TCF7L2: variants seen among roughly 807,000 people sequenced by gnomAD.
TCF7L2 encodes transcription factor 7-like 2.
A neutral mutation model predicts 77.9 loss-of-function variants in TCF7L2; 23 were observed. The observed-to-expected ratio is 0.30, with a 90% CI of 0.21 to 0.42. The LOEUF (loss-of-function observed/expected upper bound fraction) is 0.42. TCF7L2 is among the 10% of genes least tolerant of loss of function. The pLI is 1.00. For missense variants in TCF7L2, 654 were observed against 793.1 expected (o/e 0.82, Z 2.11); for synonymous variants, 413 against 340.2 (o/e 1.21, Z -2.36).
At chr10:113,036,917 T>C (rs981474775) in intron 4 of TCF7L2, among the ~76,000 whole-genome samples, 1 of 151,886 alleles carries the variant, frequency 6.6e-6, no homozygotes, top group Admixed American at 6.6e-5. Context: ...TAAAACTAAG[T>C]CAGATGGTTG....
At chr10:112,987,041 G>A (rs1345675243) in intron 4 of TCF7L2, among the ~76,000 whole-genome samples, 1 of 152,152 alleles carries the variant, frequency 6.6e-6, no homozygotes, top group Non-Finnish European at 1.5e-5. Flanking sequence ...TGCTATGGTC[G>A]ATCTAGGCTT....
chr10:113,024,033 C>T (rs932621047), intron 4 of TCF7L2, among the ~76,000 whole-genome samples: 15 of 151,904 alleles, frequency 9.9e-5, no homozygotes, highest in East Asian at 4.0e-4. Context: ...CTTGGTGGCT[C>T]ATGCCTGTAA....
intron 4 of TCF7L2, among the ~76,000 whole-genome samples, chr10:112,980,337 G>A (rs1298151142): frequency 6.6e-6 from 1 of 152,180 alleles, no homozygotes; most frequent in Non-Finnish European, 1.5e-5. Flanking sequence ...CTGAAATCTT[G>A]CAGTAATGTG....
intron 5 of TCF7L2, chr10:113,129,339 A>G: frequency 1.0e-6 from 1 of 986,998 alleles, no homozygotes; most frequent in Non-Finnish European, 1.2e-6. Flanking sequence ...TTTCTTTGCT[A>G]CTCTTAGCGG....
chr10:113,139,602 A>C (rs2067977498), intron 5 of TCF7L2, among the ~76,000 whole-genome samples: 1 of 151,930 alleles, frequency 6.6e-6, no homozygotes, highest in African/African-American at 2.4e-5. Flanking sequence ...CCAAGAGTCC[A>C]GTTATACATA....
chr10:113,052,967 C>T (rs534964580), intron 5 of TCF7L2, among the ~76,000 whole-genome samples: 3 of 152,110 alleles, frequency 2.0e-5, no homozygotes, highest in East Asian at 1.9e-4. Flanking sequence ...AAGATACAAA[C>T]GAACTTCTTT....
chr10:113,057,537 G>C (rs2055613607), intron 5 of TCF7L2, among the ~76,000 whole-genome samples: 1 of 152,194 alleles, frequency 6.6e-6, no homozygotes, highest in Non-Finnish European at 1.5e-5. Context: ...TTGGGGGTCA[G>C]GGTATAGGGA....
chr10:113,107,600 G>A (rs1018727896), intron 5 of TCF7L2, among the ~76,000 whole-genome samples: 1 of 151,490 alleles, frequency 6.6e-6, no homozygotes, highest in African/African-American at 2.4e-5. Flanking sequence ...AAAATTAGCC[G>A]GGCGTGGTGG....
At chr10:113,052,564 A>C (rs528666809) in intron 5 of TCF7L2, among the ~76,000 whole-genome samples, 1 of 152,374 alleles carries the variant, frequency 6.6e-6, no homozygotes, top group East Asian at 1.9e-4. Flanking sequence ...ATCCGAACCC[A>C]GAATGAGGAT....
intron 8 of TCF7L2, among the ~76,000 whole-genome samples, chr10:113,147,855 G>A (rs1029296134): frequency 6.6e-6 from 1 of 152,136 alleles, no homozygotes; most frequent in African/African-American, 2.4e-5. Flanking sequence ...ATTATAGGTG[G>A]GCATGGGGGT....
intron 4 of TCF7L2, among the ~76,000 whole-genome samples, chr10:113,038,081 T>TAC (rs898991928): frequency 1.3e-5 from 2 of 152,176 alleles, no homozygotes; most frequent in African/African-American, 4.8e-5. Context: ...CTTGAGATGA[T>TAC]ACTGCTCCCA....
chr10:113,066,574 T>G (rs2057294972), intron 5 of TCF7L2, among the ~76,000 whole-genome samples: 1 of 152,198 alleles, frequency 6.6e-6, no homozygotes, highest in Non-Finnish European at 1.5e-5. Context: ...AGCCCTAAAC[T>G]TCAAATGGAT....
chr10:113,160,010 G>C lies in TCF7L2; in HGVS notation c.1319-609G>C, dbSNP rs1004442358. ...CCTTGCAGGTGTGTATAGTTTTCCA[G>C]ATTCGCTGTGCTGGTTTGCAGCTGG... On this transcript the variant is annotated intron_variant, in intron 12 of 13. Transcript: ENST00000627217. The C allele has an allele frequency of 1.2e-6, 2 of 1,612,726 alleles. No homozygotes were observed. Among genetic ancestry groups the C allele is most frequent in the Non-Finnish European group, 1.7e-6 (2 of 1,178,898 alleles).
chr10:113,055,032 T>C (rs2055142727), intron 5 of TCF7L2, among the ~76,000 whole-genome samples: 4 of 152,198 alleles, frequency 2.6e-5, no homozygotes, highest in Admixed American at 2.6e-4. Flanking sequence ...ATTAGGTTGC[T>C]TACAGTTTTT....
Position 113,069,116 on chromosome 10 carries a change from G to A in TCF7L2, c.552+28990G>A, listed in dbSNP as rs555307922. Among the ~76,000 whole-genome samples, 75 of 152,088 alleles carry A rather than the reference G, an allele frequency of 4.9e-4. No individual in the cohort carries two copies. The South Asian group carries it at 5.0e-3, about 10-fold the overall frequency. On this transcript the variant is annotated intron_variant, in intron 5 of 13. Transcript: ENST00000627217. Reference sequence around the variant, plus strand: ...TAGAAAGGAGGGCCCAGGGCTGGCCGTCTCTTGGAGGGGCCCGGGATGGGG... The same window carrying A: ...TAGAAAGGAGGGCCCAGGGCTGGCCATCTCTTGGAGGGGCCCGGGATGGGG...
intron 5 of TCF7L2, among the ~76,000 whole-genome samples, chr10:113,122,061 T>C (rs1263616705): frequency 6.6e-6 from 1 of 152,234 alleles, no homozygotes. Flanking sequence ...AGTGACATTC[T>C]TCTGTCCAAA....
intron 4 of TCF7L2, among the ~76,000 whole-genome samples, chr10:112,978,256 T>G (rs1282069001): frequency 2.0e-5 from 3 of 152,182 alleles, no homozygotes; most frequent in Non-Finnish European, 4.4e-5. Context: ...CCCTCTCTAT[T>G]TTTTAATAGC....
chr10:112,983,243 G>T (rs1302032802), intron 4 of TCF7L2, among the ~76,000 whole-genome samples: 1 of 151,722 alleles, frequency 6.6e-6, no homozygotes, highest in Non-Finnish European at 1.5e-5. Flanking sequence ...AGGCCGAGGC[G>T]GGCAGATCAT....
intron 4 of TCF7L2, among the ~76,000 whole-genome samples, chr10:113,013,371 G>A (rs1354993195): frequency 1.3e-5 from 2 of 152,050 alleles, no homozygotes; most frequent in East Asian, 3.9e-4. Flanking sequence ...CTCCTGCCTT[G>A]ACCTCCCAGA....
Sources: allele counts gnomAD v4.1 joint callset (sites outside exome capture counted in the v4.1 genomes callset), GRCh38; gene constraint gnomAD v4.1.1; transcripts MANE v1.5; gene names NCBI Gene and HGNC (gene_info 2026-07-23, HGNC 2026-07-21).